Variants in SHISA6 observed in about 807,000 individuals in gnomAD.
SHISA6 encodes the protein shisa family member 6.
A neutral mutation model predicts 47.9 loss-of-function variants in SHISA6; 22 were observed. The ratio of observed to expected loss-of-function variants is 0.46; its 90% confidence interval spans 0.33 to 0.66. The LOEUF (loss-of-function observed/expected upper bound fraction) is 0.66. Ranked by LOEUF, SHISA6 falls within the 30% of genes least tolerant of loss-of-function variation. The pLI is 0.02. For synonymous variants in SHISA6, 388 were observed against 337.8 expected (o/e 1.15, Z -1.63); for missense variants, 680 against 764.6 (o/e 0.89, Z 1.30).
chr17:11,505,924 G>A (rs1367535380), intron 3 of SHISA6, among the ~76,000 whole-genome samples: 1 of 152,172 alleles, frequency 6.6e-6, no homozygotes, highest in African/African-American at 2.4e-5. Flanking sequence ...ATGCGTATTG[G>A]AATAGCAGTA....
intron 2 of SHISA6, among the ~76,000 whole-genome samples, chr17:11,269,108 C>A (rs866525355): frequency 6.6e-6 from 1 of 151,590 alleles, no homozygotes; most frequent in Non-Finnish European, 1.5e-5. Flanking sequence ...GTGGCGCGAT[C>A]TCAGCCCATT....
Position 11,521,544 on chromosome 17 carries a change from G to A in SHISA6, c.896-30352G>A, listed in dbSNP as rs1269231875. Among the ~76,000 whole-genome samples the A allele has an allele frequency of 2.0e-5, 3 of 152,176 alleles. No individual in the cohort carries two copies. In the East Asian group the frequency reaches 5.8e-4, roughly 29 times the overall value. ...CACGCCTGTAATCTCAGCACTTTGG[G>A]AAGCCAAGTTGGGAGGACTGCTTGA... On this transcript the variant is annotated intron_variant, in intron 3 of 5. Coordinates refer to ENST00000441885, the MANE Select transcript of SHISA6 (RefSeq NM_207386.4).
At chr17:11,463,511 T>A (rs186747945) in intron 3 of SHISA6, among the ~76,000 whole-genome samples, 126 of 152,360 alleles carry the variant, frequency 8.3e-4, no homozygotes, top group Non-Finnish European at 1.5e-3. Context: ...CCACCCTCTG[T>A]TAGTTAAATG....
chr17:11,366,505 A>ATGTCTATTTTTAGGAGAAGACTTTTCTG (rs1912454898), intron 2 of SHISA6, among the ~76,000 whole-genome samples: 1 of 152,224 alleles, frequency 6.6e-6, no homozygotes, highest in East Asian at 1.9e-4. Context: ...GAATGAGCAG[A>ATGTCTATTTTTAGGAGAAGACTTTTCTG]TGTCTATTTT....
At chr17:11,513,833 G>A (rs1189837198) in intron 3 of SHISA6, among the ~76,000 whole-genome samples, 1 of 152,152 alleles carries the variant, frequency 6.6e-6, no homozygotes, top group African/African-American at 2.4e-5. Flanking sequence ...AGGAGACCGA[G>A]TATATAAACC....
intron 3 of SHISA6, among the ~76,000 whole-genome samples, chr17:11,420,967 G>A (rs1211262606): frequency 3.3e-5 from 5 of 152,176 alleles, no homozygotes; most frequent in African/African-American, 9.6e-5. Context: ...AGATATCCAT[G>A]TCAGGACTGT....
At chr17:11,395,517 T>TC (rs1913540937) in intron 3 of SHISA6, among the ~76,000 whole-genome samples, 1 of 147,478 alleles carries the variant, frequency 6.8e-6, no homozygotes, top group African/African-American at 2.5e-5. Flanking sequence ...GTTTTACTTT[T>TC]TTTTTTTTTT....
At chr17:11,244,154 G>A (rs893927705) in intron 1 of SHISA6, among the ~76,000 whole-genome samples, 2 of 152,192 alleles carry the variant, frequency 1.3e-5, no homozygotes, top group African/African-American at 4.8e-5. Context: ...GAGTAACCAC[G>A]GGAAGGGAGA....
At position 11,515,338 on chromosome 17, in the gene SHISA6, AAGGAAGG is replaced by A. The variant is rs879466062; in HGVS notation, c.896-36556_896-36550del. 2.9e-3 allele frequency among the ~76,000 whole-genome samples: 431 copies of A among 150,434 alleles called. 7 individuals are homozygous for A. The highest frequency in any genetic ancestry group is 1.3e-3 in the Non-Finnish European group (86 of 67,502). On this transcript the variant is annotated intron_variant, in intron 3 of 5. Coordinates refer to ENST00000441885, the MANE Select transcript of SHISA6 (RefSeq NM_207386.4). Reference sequence around the variant, plus strand: ...AAAGGAAGGAAGGAAGGAAGGAAGGAAGGAAGGAAGGAAGGAAGGAAGGAAGGGAGAG... The same window carrying A: ...AAAGGAAGGAAGGAAGGAAGGAAGGAAAGGAAGGAAGGAAGGAAGGGAGAG...
At chr17:11,251,653 G>T (rs565820950) in intron 1 of SHISA6, among the ~76,000 whole-genome samples, 2 of 152,064 alleles carry the variant, frequency 1.3e-5, no homozygotes, top group East Asian at 3.9e-4. Flanking sequence ...ATCTAGCATC[G>T]TGCATGCAAG....
chr17:11,448,482 T>G (rs1403141685), intron 3 of SHISA6, among the ~76,000 whole-genome samples: 1 of 151,724 alleles, frequency 6.6e-6, no homozygotes, highest in Admixed American at 6.6e-5. Context: ...CAGTCAGCTG[T>G]GATCACACCA....
intron 3 of SHISA6, among the ~76,000 whole-genome samples, chr17:11,448,208 G>A (rs781374188): frequency 4.1e-5 from 6 of 146,988 alleles, no homozygotes; most frequent in African/African-American, 5.1e-5. Context: ...GTTCTCACAA[G>A]TGCTCTTTGG....
In SHISA6 at chr17:11,310,998, T is replaced by G. The variant is rs1405987816; in HGVS notation, c.799+47472T>G. Among the ~76,000 whole-genome samples, 3 of 150,136 alleles carry G rather than the reference T, an allele frequency of 2.0e-5. No individual in the cohort carries two copies. In the East Asian group the frequency reaches 5.9e-4, roughly 30 times the overall value. Reference sequence around the variant, plus strand: ...GGCAGGTGCCTGTAGTCCCAGCTACTCAGGAGGCTAAGGCAGGAGAATGGC... The same window carrying G: ...GGCAGGTGCCTGTAGTCCCAGCTACGCAGGAGGCTAAGGCAGGAGAATGGC... On this transcript the variant is annotated intron_variant, in intron 2 of 5. Transcript: ENST00000441885.
chr17:11,493,909 C>CA (rs1366676419), intron 3 of SHISA6, among the ~76,000 whole-genome samples: 131 of 119,134 alleles, frequency 1.1e-3, no homozygotes, highest in African/African-American at 3.5e-3. Context: ...TCTGTTCTCC[C>CA]TTCTATTTTT....
At chr17:11,391,753 G>T (rs1410930827) in intron 3 of SHISA6, among the ~76,000 whole-genome samples, 1 of 152,150 alleles carries the variant, frequency 6.6e-6, no homozygotes, top group Admixed American at 6.5e-5. Flanking sequence ...ATTGAAGATT[G>T]ATAAGACCCT....
chr17:11,306,507 A>G (rs59962247), intron 2 of SHISA6, among the ~76,000 whole-genome samples: 3,028 of 152,304 alleles, frequency 0.02, 112 homozygotes, highest in African/African-American at 0.069. Flanking sequence ...GTTTATGGCC[A>G]TGATATACTG....
At chr17:11,332,946 A>G (rs1209422085) in intron 2 of SHISA6, among the ~76,000 whole-genome samples, 1 of 152,178 alleles carries the variant, frequency 6.6e-6, no homozygotes, top group Non-Finnish European at 1.5e-5. Flanking sequence ...CCAGTGCGGC[A>G]TCTAGAGAAG....
At chr17:11,410,560 G>C (rs1394446155) in intron 3 of SHISA6, among the ~76,000 whole-genome samples, 1 of 152,172 alleles carries the variant, frequency 6.6e-6, no homozygotes, top group Non-Finnish European at 1.5e-5. Flanking sequence ...TCCTTGTTAT[G>C]AAATTGGATC....
At position 11,430,840 on chromosome 17, in the gene SHISA6, CAGG is replaced by C. The variant is rs147808747; in HGVS notation, c.895+51334_895+51336del. Reference sequence around the variant, plus strand: ...GGAACAGCAAAGAACACAAAGAGAGCAGGAGAAGTGTTATCCCTTCCCAAGCCT... The same window carrying C: ...GGAACAGCAAAGAACACAAAGAGAGCAGAAGTGTTATCCCTTCCCAAGCCT... On this transcript the variant is annotated intron_variant, in intron 3 of 5. Coordinates refer to ENST00000441885, the MANE Select transcript of SHISA6 (RefSeq NM_207386.4). Among the ~76,000 whole-genome samples, 786 of 152,302 alleles carry C rather than the reference CAGG, an allele frequency of 5.2e-3. 8 individuals carry two copies. Among genetic ancestry groups the C allele is most frequent in the African/African-American group, 0.018 (768 of 41,562 alleles).
Sources: allele counts gnomAD v4.1 joint callset (sites outside exome capture counted in the v4.1 genomes callset), GRCh38; gene constraint gnomAD v4.1.1; transcripts MANE v1.5; gene names NCBI Gene and HGNC (gene_info 2026-07-23, HGNC 2026-07-21).